Variants in C16orf96 observed in about 807,000 individuals in gnomAD.
The protein encoded by C16orf96 is chromosome 16 open reading frame 96.
In C16orf96, 108 loss-of-function variants were observed where a neutral mutation model predicts 103.6. The ratio of observed to expected loss-of-function variants is 1.04; its 90% CI spans 0.89 to 1.22. The LOEUF (loss-of-function observed/expected upper bound fraction) is 1.22. Ranked by LOEUF, C16orf96 falls within the 50% of genes most tolerant of loss-of-function variation. C16orf96 has a pLI of 0.00. For synonymous variants in C16orf96, 566 were observed against 593.5 expected (o/e 0.95, Z 0.67); for missense variants, 1,586 against 1,464.2 (o/e 1.08, Z -1.36).
chr16:4,578,183 C>T (rs112905957), intron 5 of C16orf96, among the ~76,000 whole-genome samples: 1 of 152,088 alleles, frequency 6.6e-6, no homozygotes, highest in Admixed American at 6.6e-5. Context: ...TCACTTTTGT[C>T]GCCGGTTGGA....
chr16:4,546,439 G>A, the C16orf96 span, among the ~76,000 whole-genome samples: 5 of 149,834 alleles, frequency 3.3e-5, no homozygotes, highest in African/African-American at 1.2e-4. Flanking sequence ...ATTACAGGCG[G>A]GAGCCACCGC....
At chr16:4,539,418 T>C in the C16orf96 span, among the ~76,000 whole-genome samples, 1 of 152,244 alleles carries the variant, frequency 6.6e-6, no homozygotes, top group South Asian at 2.1e-4. Context: ...GCTCAGTGGC[T>C]AACGCCTGTA....
chr16:4,581,335 C>CA (rs888968597), intron 7 of C16orf96, among the ~76,000 whole-genome samples: 14 of 136,558 alleles, frequency 1.0e-4, no homozygotes, highest in East Asian at 2.3e-4. Flanking sequence ...AACTCTGTCT[C>CA]AAAAAAAAAT....
chr16:4,586,408 C>T (rs1467160187), intron 7 of C16orf96, among the ~76,000 whole-genome samples: 5 of 152,196 alleles, frequency 3.3e-5, no homozygotes, highest in Admixed American at 2.0e-4. Context: ...TGTTCGTAAG[C>T]GTGAGCGGGA....
upstream of C16orf96, among the ~76,000 whole-genome samples, chr16:4,553,347 G>C (rs1035477345): frequency 8.5e-5 from 13 of 152,152 alleles, no homozygotes; most frequent in African/African-American, 2.9e-4. Context: ...GGCAAGAGTG[G>C]CTGCCAGATC....
At position 4,599,292 on chromosome 16, in the gene C16orf96, G is replaced by C. The variant is rs1425409006; in HGVS notation, c.3136G>C (p.Ala1046Pro). ...TTTTCTTTTCTGCTAAGCTGTGAAG[G>C]CTCCATCTCCCCCGTCACAAAGCCT... ...AVAKELAAVK[A>P]PSPPSQSLYD... The change falls in exon 15 of 16, where the codon GCT (alanine) becomes CCT (proline). Residue 1046 changes from alanine (A) to proline (P), a missense_variant. By Grantham distance (27) the Ala-to-Pro change is conservative. Transcript: ENST00000444310. 2 of 1,551,520 alleles carry C rather than the reference G, an allele frequency of 1.3e-6. No homozygotes were observed. Among genetic ancestry groups the C allele is most frequent in the Non-Finnish European group, 1.7e-6 (2 of 1,146,922 alleles).
chr16:4,571,035 A>G (rs996197331), intron 1 of C16orf96, among the ~76,000 whole-genome samples: 1 of 152,098 alleles, frequency 6.6e-6, no homozygotes, highest in Non-Finnish European at 1.5e-5. Context: ...AAACAAAAAA[A>G]ATTAGCTGGG....
intron 1 of C16orf96, chr16:4,562,714 A>G (rs924188091): frequency 7.6e-6 from 4 of 526,434 alleles, no homozygotes; most frequent in South Asian, 3.3e-5. Context: ...ATCCAAACAT[A>G]TAATAGCTTG....
chr16:4,580,527 G>A (rs1334092525), intron 7 of C16orf96, among the ~76,000 whole-genome samples: 1 of 151,940 alleles, frequency 6.6e-6, no homozygotes, highest in Non-Finnish European at 1.5e-5. Context: ...TGGGCTGGGT[G>A]ATAAAAATAA....
the C16orf96 span, among the ~76,000 whole-genome samples, chr16:4,545,315 T>C: frequency 1.3e-5 from 2 of 152,158 alleles, no homozygotes; most frequent in Non-Finnish European, 2.9e-5. Flanking sequence ...CAAGTGATCC[T>C]CCTGTCTCAG....
intron 6 of C16orf96, 31 bp downstream of exon 6, chr16:4,579,056 C>A (rs1266857481): frequency 1.6e-5 from 24 of 1,539,328 alleles, no homozygotes; most frequent in Non-Finnish European, 2.0e-5. Context: ...GCTTTTGAGG[C>A]AGTGATGGCT....
At chr16:4,596,292 C>T (rs1300502498) in intron 14 of C16orf96, among the ~76,000 whole-genome samples, 3 of 152,060 alleles carry the variant, frequency 2.0e-5, no homozygotes, top group Non-Finnish European at 4.4e-5. Flanking sequence ...CAAGACTAGC[C>T]TGAACAACAT....
chr16:4,588,232 G>C lies in C16orf96; in HGVS notation c.2493G>C (p.Glu831Asp). 1 of 1,551,700 alleles carries C rather than the reference G, an allele frequency of 6.4e-7. No homozygotes were observed. The change falls in exon 9 of 16, where the codon GAG becomes GAC. Residue 831 changes from glutamate to aspartate, a missense_variant. By Grantham distance (45) the Glu-to-Asp change is conservative (BLOSUM62 2). Coordinates refer to ENST00000444310, the MANE Select transcript of C16orf96 (RefSeq NM_001145011.2). ...TTGACCTGGAGACTGTGGCCTTGGA[G>C]CTGAACGAGATGATTCAGGGCATAC... is the stretch of plus-strand genomic sequence containing the variant. ...SRVDLETVALELNEMIQGILF... is the reference protein window; with the variant it reads ...SRVDLETVALDLNEMIQGILF...
intron 1 of C16orf96, chr16:4,560,434 T>G (rs1221334457): frequency 6.6e-6 from 1 of 152,074 alleles, no homozygotes; most frequent in Non-Finnish European, 1.5e-5. Flanking sequence ...TCTCCTGACC[T>G]CGTGATCCAC....
In C16orf96 at chr16:4,580,112, T is replaced by G. The variant is rs1477203272; in HGVS notation, c.2339T>G (p.Met780Arg). Residue 780 changes from methionine (M) to arginine (R), a missense_variant, in exon 7 of 16, where the codon ATG becomes AGG. Transcript: ENST00000444310. ...DKAVENLQIRMDEFKTLQAQI... is the reference protein window; with the variant it reads ...DKAVENLQIRRDEFKTLQAQI... Reference sequence around the variant, plus strand: ...GCGGTGGAGAACCTGCAGATTCGCATGGATGAGTTCAAGGTTAGGAGGACT... The same window carrying G: ...GCGGTGGAGAACCTGCAGATTCGCAGGGATGAGTTCAAGGTTAGGAGGACT... 1 of 1,535,104 alleles carries G rather than the reference T, an allele frequency of 6.5e-7. No homozygotes were observed.
At chr16:4,587,197 T>G in intron 8 of C16orf96, 84 bp downstream of exon 8, 1 of 1,258,792 alleles carries the variant, frequency 7.9e-7, no homozygotes, top group Admixed American at 2.0e-5. Flanking sequence ...CCAAAGAGTC[T>G]TCCAGAATTT....
At chr16:4,589,959 T>TA (rs996624238) in intron 9 of C16orf96, among the ~76,000 whole-genome samples, 4 of 151,164 alleles carry the variant, frequency 2.6e-5, no homozygotes, top group Non-Finnish European at 5.9e-5. Flanking sequence ...CCATCTCTAC[T>TA]AAAAAATACA....
intron 1 of C16orf96, chr16:4,561,779 G>A (rs1412875687): frequency 6.6e-6 from 1 of 152,212 alleles, no homozygotes; most frequent in Admixed American, 6.6e-5. Flanking sequence ...ACAGCTAACT[G>A]TCTGCACCCA....
rs1896943602 is a variant in C16orf96 at position 4,587,053 on chromosome 16, A to G, written c.2367A>G (p.Gln789=). ...TCTGTTCTTAGACTCTCCAGGCTCA[A>G]ATCAAAAGACTGGAAATGAACAAGG... ...RMDEFKTLQA[Q]IKRLEMNKVN... is the part of the protein sequence containing the mutation. Residue 789 remains glutamine, a synonymous_variant, in exon 8 of 16, where the codon CAA becomes CAG. Transcript: ENST00000444310. 6.4e-7 allele frequency: 1 copy of G among 1,551,564 alleles called. No individual in the cohort carries two copies.
Sources: allele counts gnomAD v4.1 joint callset (sites outside exome capture counted in the v4.1 genomes callset), GRCh38; gene constraint gnomAD v4.1.1; transcripts MANE v1.5; gene names NCBI Gene and HGNC (gene_info 2026-07-23, HGNC 2026-07-21).